COG5: variants seen among roughly 807,000 people sequenced by gnomAD.
The protein encoded by COG5 is conserved oligomeric Golgi complex subunit 5.
COG5 carries 86 observed loss-of-function variants against 110.4 expected under a neutral mutation model. The observed-to-expected ratio is 0.78, with a 90% CI of 0.65 to 0.93. The LOEUF is 0.93. COG5 is among the 40% of genes least tolerant of loss of function. The probability of loss-of-function intolerance (pLI) is 0.00; values close to 1 mark genes in which losing one functional copy is unlikely to be tolerated. For missense variants in COG5, 1,077 were observed against 987.0 expected (o/e 1.09, Z -1.22); for synonymous variants, 360 against 334.6 (o/e 1.08, Z -0.83).
intron 10 of COG5, among the ~76,000 whole-genome samples, chr7:107,331,802 C>T (rs1005445618): frequency 6.6e-6 from 1 of 150,920 alleles, no homozygotes; most frequent in Non-Finnish European, 1.5e-5. Context: ...GCTTCTGGAA[C>T]CTGTGGGGCA....
chr7:107,556,462 T>C (rs925990659), intron 2 of COG5, among the ~76,000 whole-genome samples: 11 of 152,212 alleles, frequency 7.2e-5, no homozygotes, highest in African/African-American at 2.2e-4. Context: ...TAAGTTCTTA[T>C]TGATTCCTGC....
intron 6 of COG5, 68 bp from the exon 7 acceptor site, chr7:107,412,700 T>C (rs564751123): frequency 8.3e-6 from 8 of 967,512 alleles, no homozygotes; most frequent in South Asian, 3.2e-5. Context: ...TATCAAAATA[T>C]GTATAACTTC....
At chr7:107,403,970 C>A (rs1791628165) in intron 7 of COG5, among the ~76,000 whole-genome samples, 1 of 152,040 alleles carries the variant, frequency 6.6e-6, no homozygotes, top group African/African-American at 2.4e-5. Context: ...ATAGAAACAT[C>A]ACCCATTTCT....
intron 17 of COG5, among the ~76,000 whole-genome samples, chr7:107,241,743 C>T (rs538656583): frequency 2.0e-5 from 3 of 152,068 alleles, no homozygotes; most frequent in Admixed American, 6.6e-5. Context: ...TGAGCCACCG[C>T]GCCCAGCCTG....
chr7:107,215,635 AGCCT>A (rs1326559935), intron 19 of COG5, among the ~76,000 whole-genome samples: 1 of 152,130 alleles, frequency 6.6e-6, no homozygotes. Flanking sequence ...CAGCACTTAC[AGCCT>A]GGGTGACAGA....
At chr7:107,393,053 T>C (rs534785042) in intron 7 of COG5, among the ~76,000 whole-genome samples, 1 of 152,226 alleles carries the variant, frequency 6.6e-6, no homozygotes, top group Non-Finnish European at 1.5e-5. Context: ...TTGCCTCGCA[T>C]ACCAGACTCC....
intron 6 of COG5, among the ~76,000 whole-genome samples, chr7:107,452,467 G>A (rs1479040526): frequency 2.0e-5 from 3 of 152,146 alleles, no homozygotes; most frequent in African/African-American, 7.2e-5. Context: ...AACCCGGTGG[G>A]AGGTAATTGA....
At chr7:107,494,255 A>C (rs925373303) in intron 6 of COG5, among the ~76,000 whole-genome samples, 2 of 152,196 alleles carry the variant, frequency 1.3e-5, no homozygotes, top group African/African-American at 4.8e-5. Flanking sequence ...AGGCAAATAC[A>C]AATTAGTTTC....
intron 21 of COG5, 82 bp from the exon 22 acceptor site, chr7:107,203,712 A>G: frequency 2.3e-6 from 2 of 887,570 alleles, no homozygotes; most frequent in Non-Finnish European, 3.7e-6. Context: ...TATAAAAATT[A>G]TTAGTAAGCT....
chr7:107,317,093 C>T (rs927831454), intron 11 of COG5, among the ~76,000 whole-genome samples: 1 of 151,892 alleles, frequency 6.6e-6, no homozygotes, highest in African/African-American at 2.4e-5. Context: ...TCTGAAACAA[C>T]AAAAAATACA....
At chr7:107,354,755 G>A (rs368135607) in intron 10 of COG5, among the ~76,000 whole-genome samples, 1 of 152,202 alleles carries the variant, frequency 6.6e-6, no homozygotes, top group African/African-American at 2.4e-5. Context: ...TGAAATAAGT[G>A]TAAATTATTT....
chr7:107,249,209 G>C (rs979395409), intron 16 of COG5, among the ~76,000 whole-genome samples: 7 of 152,050 alleles, frequency 4.6e-5, no homozygotes, highest in African/African-American at 1.7e-4. Flanking sequence ...ACTGTGGGCA[G>C]TTTTGTTCCC....
intron 6 of COG5, among the ~76,000 whole-genome samples, chr7:107,509,690 A>T (rs1799342940): frequency 6.6e-6 from 1 of 152,170 alleles, no homozygotes; most frequent in East Asian, 1.9e-4. Flanking sequence ...TCAGACTAAC[A>T]GCGGATCTCT....
At chr7:107,290,415 T>C (rs1000117774) in intron 12 of COG5, among the ~76,000 whole-genome samples, 1 of 152,214 alleles carries the variant, frequency 6.6e-6, no homozygotes, top group Non-Finnish European at 1.5e-5. Context: ...CTCAGACACT[T>C]TTTGTTTTAT....
chr7:107,256,245 G>A (rs946046108), intron 16 of COG5, among the ~76,000 whole-genome samples: 1 of 152,078 alleles, frequency 6.6e-6, no homozygotes, highest in African/African-American at 2.4e-5. Context: ...CTGACATTTT[G>A]GACTGGGAAA....
intron 10 of COG5, among the ~76,000 whole-genome samples, chr7:107,360,873 C>T (rs560342185): frequency 3.3e-4 from 51 of 152,288 alleles, no homozygotes; most frequent in Non-Finnish European, 3.4e-4. Context: ...ACCTGCTAGG[C>T]CAAGAGGGCG....
chr7:107,355,343 A>T (rs1190501052), intron 10 of COG5, among the ~76,000 whole-genome samples: 1 of 152,208 alleles, frequency 6.6e-6, no homozygotes, highest in African/African-American at 2.4e-5. Flanking sequence ...GCAACTTTCA[A>T]AAACAGTTTG....
intron 17 of COG5, among the ~76,000 whole-genome samples, chr7:107,246,234 A>G (rs1802046057): frequency 6.6e-6 from 1 of 152,226 alleles, no homozygotes; most frequent in Admixed American, 6.5e-5. Context: ...TTAAATACTT[A>G]CATGCAAAAC....
intron 11 of COG5, among the ~76,000 whole-genome samples, chr7:107,310,135 C>T (rs1252163978): frequency 6.6e-6 from 1 of 152,130 alleles, no homozygotes; most frequent in Non-Finnish European, 1.5e-5. Flanking sequence ...GCTGCATGTG[C>T]CACTCTCCCA....
Sources: allele counts gnomAD v4.1 joint callset (sites outside exome capture counted in the v4.1 genomes callset), GRCh38; gene constraint gnomAD v4.1.1; transcripts MANE v1.5; gene names NCBI Gene and HGNC (gene_info 2026-07-23, HGNC 2026-07-21).